Variants in FRYL observed in about 807,000 individuals in gnomAD.
FRYL encodes the protein FRY like transcription coactivator, also known as protein furry homolog-like.
A neutral mutation model predicts 351.2 loss-of-function variants in FRYL; 150 were observed. The observed-to-expected ratio is 0.43, with a 90% CI of 0.37 to 0.49. The LOEUF (loss-of-function observed/expected upper bound fraction) is 0.49. Ranked by LOEUF, FRYL falls within the 20% of genes least tolerant of loss-of-function variation. The probability of loss-of-function intolerance (pLI) is 0.00; values close to 1 mark genes in which losing one functional copy is unlikely to be tolerated. For synonymous variants in FRYL, 1,153 were observed against 1,257.1 expected, an observed-to-expected ratio of 0.92 and a Z score of 1.75; for missense variants, 3,036 against 3,619.3, an observed-to-expected ratio of 0.84 and a Z score of 4.13.
chr4:48,565,350 T>C (rs1471189723), intron 29 of FRYL, among the ~76,000 whole-genome samples, 181 bp downstream of exon 29: 2 of 152,174 alleles, frequency 1.3e-5, no homozygotes, highest in Admixed American at 1.3e-4. Flanking sequence ...TTTGAGTAGA[T>C]TCTGGAACTG....
At chr4:48,624,920 G>C (rs369045109) in intron 4 of FRYL, among the ~76,000 whole-genome samples, 1 of 152,268 alleles carries the variant, frequency 6.6e-6, no homozygotes. Context: ...CTAGGACATC[G>C]GTCTTTCTCT....
At chr4:48,537,395 A>C (rs1729122898) in intron 47 of FRYL, among the ~76,000 whole-genome samples, 2 of 152,172 alleles carry the variant, frequency 1.3e-5, no homozygotes, top group African/African-American at 2.4e-5. Context: ...TTTTTAGCAT[A>C]CTATTTTTGC....
intron 1 of FRYL, among the ~76,000 whole-genome samples, chr4:48,773,282 A>G (rs926639083): frequency 5.9e-5 from 9 of 152,210 alleles, no homozygotes; most frequent in Non-Finnish European, 1.3e-4. Flanking sequence ...TGATCAGCCA[A>G]TCAATAAGCA....
intron 4 of FRYL, among the ~76,000 whole-genome samples, chr4:48,632,104 A>ATATG (rs1553957629): frequency 0.023 from 1,162 of 49,728 alleles, 36 homozygotes; most frequent in South Asian, 0.071. Context: ...ATATATATAT[A>ATATG]TATATATATA....
chr4:48,675,058 G>GT (rs1030520959), intron 3 of FRYL, among the ~76,000 whole-genome samples: 11 of 151,744 alleles, frequency 7.2e-5, no homozygotes, highest in African/African-American at 2.7e-4. Context: ...TTTCTTTTTT[G>GT]TTTTTTTGAC....
intron 1 of FRYL, among the ~76,000 whole-genome samples, chr4:48,736,719 G>A (rs1422571543): frequency 8.0e-5 from 12 of 150,862 alleles, no homozygotes; most frequent in African/African-American, 2.2e-4. Flanking sequence ...GCATGGTGGC[G>A]AGCACCTGTA....
rs1324739030 is a variant in FRYL at position 48,544,885 on chromosome 4, T to G, written c.5299A>C (p.Asn1767His). 1 of 1,603,934 alleles carries G rather than the reference T, an allele frequency of 6.2e-7. No homozygotes were observed. Among genetic ancestry groups the G allele is most frequent in the Non-Finnish European group, 8.5e-7 (1 of 1,176,912 alleles). The change falls in exon 43 of 64, where the codon AAC (asparagine) becomes CAC (histidine). Residue 1767 changes from asparagine (N) to histidine (H), a missense_variant. By Grantham distance (68) the Asn-to-His change is moderately conservative. Coordinates refer to ENST00000358350, the MANE Select transcript of FRYL (RefSeq NM_015030.2). ...TTCTTGGCAGAAACATCCTCATGGTTCCAAAGGGGCCCTCTTTTTCTGAAA... is the reference window on the plus strand; with the variant it reads ...TTCTTGGCAGAAACATCCTCATGGTGCCAAAGGGGCCCTCTTTTTCTGAAA... ...ITSRKRGPLW[N>H]HEDVSAKNPS...
At chr4:48,726,699 CA>C (rs1432936962) in intron 1 of FRYL, among the ~76,000 whole-genome samples, 1 of 152,026 alleles carries the variant, frequency 6.6e-6, no homozygotes, top group African/African-American at 2.4e-5. Context: ...AACAAACAAA[CA>C]AACAAAAAAC....
At chr4:48,646,294 A>G (rs1756458753) in intron 3 of FRYL, among the ~76,000 whole-genome samples, 1 of 152,210 alleles carries the variant, frequency 6.6e-6, no homozygotes, top group Non-Finnish European at 1.5e-5. Flanking sequence ...ACCTTCTGGG[A>G]AGAACAGGTC....
chr4:48,685,023 T>C (rs1183226461), intron 2 of FRYL, among the ~76,000 whole-genome samples: 4 of 152,122 alleles, frequency 2.6e-5, no homozygotes, highest in Non-Finnish European at 5.9e-5. Context: ...CCCCCACCAT[T>C]CCCAGCTTCA....
intron 4 of FRYL, among the ~76,000 whole-genome samples, chr4:48,632,106 A>ATATATATATGTG (rs1553957649): frequency 1.7e-5 from 1 of 58,168 alleles, no homozygotes; most frequent in South Asian, 5.8e-4. Flanking sequence ...ATATATATAT[A>ATATATATATGTG]TATATATATA....
At chr4:48,694,847 G>C (rs1014644662) in intron 2 of FRYL, among the ~76,000 whole-genome samples, 5 of 152,094 alleles carry the variant, frequency 3.3e-5, no homozygotes, top group Admixed American at 1.3e-4. Context: ...CAACGCAGGG[G>C]GATCACTTGA....
chr4:48,669,779 C>A (rs917535881), intron 3 of FRYL, among the ~76,000 whole-genome samples: 1 of 151,654 alleles, frequency 6.6e-6, no homozygotes, highest in African/African-American at 2.4e-5. Flanking sequence ...AAGTTTCCTG[C>A]AAATTCTAAA....
chr4:48,526,616 C>G (rs987572477), intron 53 of FRYL, among the ~76,000 whole-genome samples: 3 of 152,156 alleles, frequency 2.0e-5, no homozygotes, highest in African/African-American at 7.2e-5. Context: ...GGTTTTGCTG[C>G]TATCTGAGGT....
At chr4:48,557,837 G>C in intron 33 of FRYL, 125 bp from the exon 34 acceptor site, 1 of 1,076,354 alleles carries the variant, frequency 9.3e-7, no homozygotes, top group Non-Finnish European at 1.3e-6. Context: ...ACAATTATGA[G>C]TATTGTTTTT....
chr4:48,754,890 C>A (rs544484859), intron 1 of FRYL, among the ~76,000 whole-genome samples: 3 of 152,282 alleles, frequency 2.0e-5, no homozygotes, highest in South Asian at 2.1e-4. Context: ...GATCCACCCG[C>A]CTTGGCCTCC....
intron 62 of FRYL, among the ~76,000 whole-genome samples, chr4:48,501,106 A>G (rs1465625257): frequency 7.1e-6 from 1 of 140,070 alleles, no homozygotes; most frequent in East Asian, 2.1e-4. Context: ...AAAAAAAAAA[A>G]AAGCTATAGA....
chr4:48,632,117 T>A (rs1202373512), intron 4 of FRYL, among the ~76,000 whole-genome samples: 6 of 39,980 alleles, frequency 1.5e-4, no homozygotes, highest in Middle Eastern at 0.017. Flanking sequence ...TATATATATA[T>A]ATATATATAT....
chr4:48,614,548 C>T (rs1748943855), intron 7 of FRYL, among the ~76,000 whole-genome samples: 1 of 151,494 alleles, frequency 6.6e-6, no homozygotes, highest in Non-Finnish European at 1.5e-5. Context: ...ATGGTGAAAC[C>T]CCATCTCTTC....
Sources: gnomAD v4.1 joint callset for allele counts (sites outside exome capture counted in the v4.1 genomes callset) on GRCh38, gnomAD v4.1.1 for gene constraint, MANE v1.5 for transcripts, NCBI Gene and HGNC (gene_info 2026-07-23, HGNC 2026-07-21) for gene names.